Variants in LCK observed in about 807,000 individuals in gnomAD.
LCK encodes tyrosine-protein kinase Lck.
In LCK, 14 loss-of-function variants were observed where a neutral mutation model predicts 64.6. The observed-to-expected ratio is 0.22, with a 90% CI of 0.14 to 0.34. The LOEUF (loss-of-function observed/expected upper bound fraction) is 0.34. Ranked by LOEUF, LCK falls within the 10% of genes least tolerant of loss-of-function variation. The probability of loss-of-function intolerance (pLI) is 1.00; values close to 1 mark genes in which losing one functional copy is unlikely to be tolerated. For missense variants in LCK, 434 were observed against 668.1 expected, an observed-to-expected ratio of 0.65 and a Z score of 3.86; for synonymous variants, 277 against 263.6, an observed-to-expected ratio of 1.05 and a Z score of -0.49.
Position 32,275,061 on chromosome 1 carries a change from G to GA in LCK, c.258dup (p.Gln87ThrfsTer99). The stretch of plus-strand genomic sequence containing the variant: ...CGGAGATCTGGGCTTTGAGAAGGGG[G>GA]AACAGCTCCGCATCCTGGAGCAGTG... On this transcript the variant is annotated frameshift_variant, in exon 4 of 13. Transcript: ENST00000336890. LOFTEE classifies it high-confidence loss of function. The surrounding 1 kb of genome is among the most constrained non-coding windows in gnomAD (Gnocchi z 6.9). The GA allele has an allele frequency of 6.2e-7, 1 of 1,613,506 alleles. No homozygotes were observed. The highest frequency in any genetic ancestry group is 8.5e-7 in the Non-Finnish European group (1 of 1,179,540).
intron 9 of LCK, among the ~76,000 whole-genome samples, chr1:32,278,910 A>G (rs1048782280): frequency 8.5e-5 from 13 of 152,170 alleles, no homozygotes; most frequent in Non-Finnish European, 1.3e-4. Context: ...CACTCACTGC[A>G]TCCTAGCAAC....
intron 1 of LCK, among the ~76,000 whole-genome samples, chr1:32,270,865 G>T (rs368372963): frequency 1.4e-4 from 21 of 150,976 alleles, no homozygotes; most frequent in African/African-American, 4.6e-4. Flanking sequence ...CACCAAGCCC[G>T]ATTAATTTTT....
intron 1 of LCK, among the ~76,000 whole-genome samples, chr1:32,252,809 C>T (rs1639540665): frequency 6.6e-6 from 1 of 152,196 alleles, no homozygotes; most frequent in Non-Finnish European, 1.5e-5. Flanking sequence ...AGAGTCAAGA[C>T]AGTTCTGAGA....
Position 32,275,099 on chromosome 1 carries a change from C to T in LCK, c.278+16C>T. 1 of 1,599,090 alleles carries T rather than the reference C, an allele frequency of 6.3e-7. No individual in the cohort carries two copies. Among genetic ancestry groups the T allele is most frequent in the Non-Finnish European group, 8.6e-7 (1 of 1,168,826 alleles). On this transcript the variant is annotated intron_variant, in intron 4 of 12. Transcript: ENST00000336890. This position sits in a 1 kb window ranked among gnomAD's most constrained non-coding sequence, Gnocchi z 6.9. ...TCCTGGAGCAGTGAGTCCCTCTCCA[C>T]CTTGCTCTGGCGGAGTCCGTGAGGG...
intron 1 of LCK, among the ~76,000 whole-genome samples, chr1:32,273,037 AGT>A (rs1640152497): frequency 7.7e-6 from 1 of 130,206 alleles, no homozygotes; most frequent in Non-Finnish European, 1.6e-5. Context: ...TGTGTGGACG[AGT>A]GTGTGTGTTC....
chr1:32,264,076 C>G (rs887307270), intron 1 of LCK, among the ~76,000 whole-genome samples: 7 of 152,110 alleles, frequency 4.6e-5, no homozygotes, highest in Admixed American at 1.3e-4. Context: ...CCTGCAAACC[C>G]ACAGATATGC....
chr1:32,274,645 T>C, intron 2 of LCK, 92 bp from the exon 3 acceptor site: 1 of 1,115,806 alleles, frequency 9.0e-7, no homozygotes, highest in South Asian at 1.5e-5. Context: ...CTAACCAGGC[T>C]GGAGAGGCTG....
intron 1 of LCK, among the ~76,000 whole-genome samples, chr1:32,258,631 C>CGTCTCTACTAAAAAACAT (rs1553151777): frequency 2.0e-5 from 3 of 151,378 alleles, no homozygotes; most frequent in African/African-American, 7.3e-5. Flanking sequence ...CTAAAAAACA[C>CGTCTCTACTAAAAAACAT]GTCTCTACTA....
Position 32,274,824 on chromosome 1 carries a change from C to T in LCK, c.187+6C>T. 1.2e-6 allele frequency: 2 copies of T among 1,614,032 alleles called. No individual in the cohort carries two copies. The highest frequency in any genetic ancestry group is 1.1e-5 in the South Asian group (1 of 91,068). The stretch of plus-strand genomic sequence containing the variant: ...GCCGGCTTCCCCACTGCAAGGTGAC[C>T]CCAGGCAGCAGGGCCTGAAAGACAA... On this transcript the variant is annotated splice_donor_region_variant and intron_variant, in intron 3 of 12. Coordinates refer to ENST00000336890, the MANE Select transcript of LCK (RefSeq NM_005356.5).
chr1:32,263,281 A>T (rs944116502), intron 1 of LCK, among the ~76,000 whole-genome samples: 2 of 151,672 alleles, frequency 1.3e-5, no homozygotes, highest in African/African-American at 4.8e-5. Context: ...AATCTCAGCT[A>T]CTTGGGAGGC....
At chr1:32,267,666 C>T (rs938280981) in intron 1 of LCK, among the ~76,000 whole-genome samples, 1 of 151,488 alleles carries the variant, frequency 6.6e-6, no homozygotes, top group African/African-American at 2.4e-5. Flanking sequence ...GAGGCCGAGG[C>T]GGGCAGATCA....
chr1:32,259,734 C>T (rs1307198335), intron 1 of LCK, among the ~76,000 whole-genome samples: 10 of 151,780 alleles, frequency 6.6e-5, no homozygotes, highest in Admixed American at 1.3e-4. Flanking sequence ...TGCTTGAGCC[C>T]GGGAGGTCGA....
Position 32,275,778 on chromosome 1 carries a change from A to G in LCK, c.481+106A>G. On this transcript the variant is annotated intron_variant, in intron 6 of 12. Coordinates refer to ENST00000336890, the MANE Select transcript of LCK (RefSeq NM_005356.5). The surrounding 1 kb of genome is among the most constrained non-coding windows in gnomAD (Gnocchi z 6.9). Reference sequence around the variant, plus strand: ...GAGACACGGGGTGAGTCGGAGGGGGACGCGGGATGAGCCCGAGGTGGGGGC... The same window carrying G: ...GAGACACGGGGTGAGTCGGAGGGGGGCGCGGGATGAGCCCGAGGTGGGGGC... 7.5e-7 allele frequency: 1 copy of G among 1,339,154 alleles called. No individual in the cohort carries two copies. The highest frequency in any genetic ancestry group is 1.0e-6 in the Non-Finnish European group (1 of 992,696). 83.0% of individuals were successfully genotyped at this position (1,339,154 alleles called of 1,614,324 possible). A position where few individuals can be genotyped will look rare whatever the true frequency, so the allele number is the denominator to read the frequency against.
At chr1:32,257,109 G>A (rs1041647202) in intron 1 of LCK, among the ~76,000 whole-genome samples, 2 of 152,004 alleles carry the variant, frequency 1.3e-5, no homozygotes, top group Admixed American at 1.3e-4. Flanking sequence ...TATATATCAC[G>A]TATAATGCTC....
intron 1 of LCK, among the ~76,000 whole-genome samples, chr1:32,267,204 T>G (rs1211381055): frequency 6.6e-6 from 1 of 152,014 alleles, no homozygotes; most frequent in Non-Finnish European, 1.5e-5. Context: ...CACAGATGGG[T>G]GCACTCTGGT....
intron 1 of LCK, among the ~76,000 whole-genome samples, chr1:32,256,110 C>T (rs979531719): frequency 2.0e-5 from 3 of 152,070 alleles, no homozygotes; most frequent in African/African-American, 7.2e-5. Context: ...TCTATTAAAA[C>T]ATAATAATAA....
At chr1:32,285,032 G>A (rs1276733169) in intron 12 of LCK, among the ~76,000 whole-genome samples, 1 of 151,040 alleles carries the variant, frequency 6.6e-6, no homozygotes, top group Admixed American at 6.6e-5. Context: ...AGGTGGGCAC[G>A]GTGGCTCACG....
chr1:32,257,241 TTTTTTTTTG>T (rs1557570029), intron 1 of LCK, among the ~76,000 whole-genome samples: 2 of 151,684 alleles, frequency 1.3e-5, no homozygotes, highest in East Asian at 1.9e-4. Context: ...TCTTGTTTTT[TTTTTTTTTG>T]TTTTTTTTGT....
chr1:32,279,617 TG>T, intron 9 of LCK, 53 bp from the exon 10 acceptor site: 1 of 1,613,712 alleles, frequency 6.2e-7, no homozygotes, highest in Non-Finnish European at 8.5e-7. Context: ...GAGAAAGGTC[TG>T]GGGGCCTCCC....
Sources: allele counts gnomAD v4.1 joint callset (sites outside exome capture counted in the v4.1 genomes callset), GRCh38; gene constraint gnomAD v4.1.1; non-coding constraint Gnocchi (gnomAD v3.1); transcripts MANE v1.5; gene names NCBI Gene and HGNC (gene_info 2026-07-23, HGNC 2026-07-21).